Variants in DMD observed in about 807,000 individuals in gnomAD.
The protein encoded by DMD is mutant dystrophin.
DMD carries 63 observed loss-of-function variants against 330.1 expected under a neutral mutation model. The observed-to-expected ratio is 0.19, with a 90% CI of 0.16 to 0.24. The LOEUF is 0.24. DMD is among the 10% of genes least tolerant of loss of function. DMD has a pLI of 1.00. For synonymous variants in DMD, 1,223 were observed against 959.8 expected, an observed-to-expected ratio of 1.27 and a Z score of -5.07; for missense variants, 3,344 against 2,684.1, an observed-to-expected ratio of 1.25 and a Z score of -5.43.
intron 27 of DMD, among the ~76,000 whole-genome samples, chrX:32,442,119 GA>G (rs1302480521): frequency 2.7e-5 from 3 of 110,806 alleles, no homozygotes; most frequent in Non-Finnish European, 5.7e-5. Flanking sequence ...CTTTGGCATA[GA>G]GAAGAATATC....
intron 1 of DMD, among the ~76,000 whole-genome samples, chrX:33,073,340 A>G (rs1035817677): frequency 1.8e-5 from 2 of 112,183 alleles, no homozygotes; most frequent in Non-Finnish European, 3.8e-5. Context: ...GAGGCTTAAA[A>G]TACATTTTTC....
intron 60 of DMD, among the ~76,000 whole-genome samples, chrX:31,410,944 T>TTTTC (rs1384974723): frequency 5.1e-5 from 5 of 98,247 alleles, no homozygotes; most frequent in African/African-American, 1.6e-4. Flanking sequence ...TTTTTTTTTT[T>TTTTC]CAGTAGAGAC....
intron 7 of DMD, among the ~76,000 whole-genome samples, chrX:32,807,122 T>TTAAAAAA (rs1345640031): frequency 3.4e-4 from 7 of 20,739 alleles, no homozygotes; most frequent in African/African-American, 1.5e-3. Flanking sequence ...CGGAAACATT[T>TTAAAAAA]AAAAAAAAAA....
At chrX:31,418,541 C>T (rs1480012436) in intron 60 of DMD, among the ~76,000 whole-genome samples, 1 of 111,928 alleles carries the variant, frequency 8.9e-6, no homozygotes, top group Non-Finnish European at 1.9e-5. Context: ...TTTGCCTTCT[C>T]CCCTATCATC....
At chrX:32,657,474 C>A (rs2060656729) in intron 9 of DMD, among the ~76,000 whole-genome samples, 1 of 111,456 alleles carries the variant, frequency 9.0e-6, no homozygotes, top group Admixed American at 9.6e-5. Flanking sequence ...TTACAAACAC[C>A]CTAAAAGGGG....
At chrX:33,111,418 C>T (rs16990904) in intron 1 of DMD, among the ~76,000 whole-genome samples, 3,214 of 111,824 alleles carry the variant, frequency 0.029, 127 homozygotes, top group African/African-American at 0.099. Flanking sequence ...ATCATTTGGA[C>T]GTCTCCTATC....
At chrX:31,905,910 G>A (rs1439515284) in intron 47 of DMD, among the ~76,000 whole-genome samples, 1 of 111,675 alleles carries the variant, frequency 9.0e-6, no homozygotes, top group Non-Finnish European at 1.9e-5. Context: ...TTTTTAAATG[G>A]TTCATGAAAT....
At chrX:32,297,422 C>A (rs973986714) in intron 42 of DMD, among the ~76,000 whole-genome samples, 1 of 109,465 alleles carries the variant, frequency 9.1e-6, no homozygotes, top group South Asian at 4.0e-4. Flanking sequence ...TACAGGCGCC[C>A]GCCACCATGC....
chrX:32,375,898 G>T (rs766619569), intron 34 of DMD, among the ~76,000 whole-genome samples: 3 of 111,590 alleles, frequency 2.7e-5, no homozygotes, highest in Admixed American at 1.9e-4. Flanking sequence ...CCTTTTTAAA[G>T]GGCACAGCAT....
At chrX:31,975,838 A>G (rs1053177701) in intron 44 of DMD, among the ~76,000 whole-genome samples, 2 of 112,151 alleles carry the variant, frequency 1.8e-5, no homozygotes, top group Non-Finnish European at 3.8e-5. Flanking sequence ...TGCATATAGA[A>G]AAAGCCAACA....
intron 1 of DMD, among the ~76,000 whole-genome samples, chrX:33,025,903 T>A (rs181788246): frequency 1.5e-4 from 17 of 111,571 alleles, no homozygotes; most frequent in African/African-American, 4.9e-4. Flanking sequence ...GGCTAGTTAA[T>A]ATGTTAATTG....
chrX:31,558,656 CTA>C (rs993514767), intron 55 of DMD, among the ~76,000 whole-genome samples: 1 of 107,285 alleles, frequency 9.3e-6, no homozygotes, highest in African/African-American at 3.4e-5. Context: ...TATATATATA[CTA>C]TATATATGTG....
chrX:32,737,133 C>G (rs950012500), intron 7 of DMD, among the ~76,000 whole-genome samples: 15 of 109,079 alleles, frequency 1.4e-4, no homozygotes, highest in African/African-American at 5.0e-4. Context: ...CCAACAGCAA[C>G]AACAAAAGGG....
chrX:32,207,024 A>C (rs770742500), intron 44 of DMD, among the ~76,000 whole-genome samples: 36 of 111,968 alleles, frequency 3.2e-4, no homozygotes, highest in Admixed American at 1.3e-3. Flanking sequence ...AAAAGTATAC[A>C]TGTAAAATAA....
intron 55 of DMD, among the ~76,000 whole-genome samples, chrX:31,578,512 G>A (rs191610160): frequency 8.9e-6 from 1 of 112,226 alleles, no homozygotes; most frequent in African/African-American, 3.2e-5. Context: ...GGCCAGGGGA[G>A]AAAGAGAAGA....
At chrX:32,777,276 T>TGGGGGG (rs1373161447) in intron 7 of DMD, among the ~76,000 whole-genome samples, 6 of 502 alleles carry the variant, frequency 0.012, no homozygotes, top group African/African-American at 0.018. Flanking sequence ...TGGTTTCTGG[T>TGGGGGG]TGGGGGGGGA....
intron 2 of DMD, among the ~76,000 whole-genome samples, chrX:32,961,366 C>T (rs2091887399): frequency 9.0e-6 from 1 of 110,826 alleles, no homozygotes; most frequent in African/African-American, 3.3e-5. Context: ...TTCAATTACT[C>T]TCACTGCTAT....
intron 67 of DMD, among the ~76,000 whole-genome samples, chrX:31,185,070 T>A (rs973905957): frequency 9.3e-6 from 1 of 107,188 alleles, no homozygotes; most frequent in Non-Finnish European, 1.9e-5. Flanking sequence ...CATATGTAAC[T>A]AACCTGCACA....
At chrX:32,648,573 T>A (rs1308928102) in intron 9 of DMD, among the ~76,000 whole-genome samples, 3 of 111,926 alleles carry the variant, frequency 2.7e-5, no homozygotes, top group Non-Finnish European at 5.6e-5. Context: ...ATATATGTTC[T>A]AAGGTGAGAT....
Sources: gnomAD v4.1 joint callset for allele counts (sites outside exome capture counted in the v4.1 genomes callset) on GRCh38, gnomAD v4.1.1 for gene constraint, MANE v1.5 for transcripts, NCBI Gene and HGNC (gene_info 2026-07-23, HGNC 2026-07-21) for gene names.